AGTPBP1: variants seen among roughly 807,000 people sequenced by gnomAD.
AGTPBP1 encodes ATP/GTP binding carboxypeptidase 1, also known as cytosolic carboxypeptidase 1.
AGTPBP1 carries 70 observed loss-of-function variants against 143.9 expected under a neutral mutation model. The ratio of observed to expected loss-of-function variants is 0.49; its 90% CI spans 0.40 to 0.59. The LOEUF (loss-of-function observed/expected upper bound fraction) is 0.59. AGTPBP1 is among the 20% of genes least tolerant of loss of function. AGTPBP1 has a pLI of 0.00. For synonymous variants in AGTPBP1, 463 were observed against 500.2 expected, an observed-to-expected ratio of 0.93 and a Z score of 0.99; for missense variants, 1,229 against 1,464.5, an observed-to-expected ratio of 0.84 and a Z score of 2.62.
At chr9:85,749,814 T>A in the AGTPBP1 span, among the ~76,000 whole-genome samples, 2 of 151,772 alleles carry the variant, frequency 1.3e-5, no homozygotes, top group Non-Finnish European at 2.9e-5. Flanking sequence ...ATAACAAAAA[T>A]TACAATGTAA....
At chr9:85,792,257 G>T in the AGTPBP1 span, 1 of 152,126 alleles carries the variant, frequency 6.6e-6, no homozygotes, top group Non-Finnish European at 1.5e-5. Flanking sequence ...TATCCTCTAG[G>T]AATGAAAAGG....
chr9:85,586,673 A>C (rs1828631643), intron 22 of AGTPBP1, among the ~76,000 whole-genome samples, 158 bp downstream of exon 22: 1 of 152,274 alleles, frequency 6.6e-6, no homozygotes, highest in Admixed American at 6.5e-5. Context: ...AGGAAAAAAT[A>C]GAAGGCTTAT....
chr9:85,587,635 C>T (rs1177477204), intron 21 of AGTPBP1, among the ~76,000 whole-genome samples: 3 of 152,004 alleles, frequency 2.0e-5, no homozygotes, highest in Admixed American at 1.3e-4. Flanking sequence ...TCCTAAAATA[C>T]GAGAAATATT....
intron 12 of AGTPBP1, among the ~76,000 whole-genome samples, chr9:85,645,750 G>C (rs1832772796): frequency 6.6e-6 from 1 of 152,016 alleles, no homozygotes; most frequent in South Asian, 2.1e-4. Context: ...TATAAATAAA[G>C]CAAAATACAG....
intron 1 of AGTPBP1, among the ~76,000 whole-genome samples, chr9:85,726,357 A>G (rs998777468): frequency 1.3e-5 from 2 of 152,238 alleles, no homozygotes; most frequent in Admixed American, 6.5e-5. Context: ...GAGTTATATC[A>G]TGAAAATTTA....
chr9:85,632,895 G>A lies in AGTPBP1; in HGVS notation c.1782C>T (p.Cys594=), dbSNP rs1171560256. The A allele has an allele frequency of 1.2e-6, 2 of 1,614,018 alleles. No homozygotes were observed. Among genetic ancestry groups the A allele is most frequent in the Admixed American group, 3.3e-5 (2 of 59,996 alleles). Residue 594 remains cysteine (C), a synonymous_variant, in exon 14 of 26, where the codon TGC becomes TGT. Transcript: ENST00000357081. ...GRTVQLGKLC[C]TGVETEDDED... ...CATCATCTTCAGTTTCAACTCCAGT[G>A]CAGCAAAGCTTCCCTAGCTGAACTG...
At chr9:85,677,361 G>A in intron 6 of AGTPBP1, 75 bp downstream of exon 6, 2 of 1,323,546 alleles carry the variant, frequency 1.5e-6, no homozygotes, top group East Asian at 2.5e-5. Context: ...TAAAAACTGA[G>A]TAGTTACAAG....
rs193059276 is a variant in AGTPBP1 at position 85,686,933 on chromosome 9, A to T, written c.158-5598T>A. Among the ~76,000 whole-genome samples, 293 of 152,316 alleles carry T rather than the reference A, an allele frequency of 1.9e-3. 1 individual carries two copies. The highest frequency in any genetic ancestry group is 2.9e-3 in the Non-Finnish European group (198 of 68,000). ...TTAATAAATGCATTAAATTGGAAGCACTAAAACACTCAGACTAGTTAAGAA... is the reference window on the plus strand; with the variant it reads ...TTAATAAATGCATTAAATTGGAAGCTCTAAAACACTCAGACTAGTTAAGAA... On this transcript the variant is annotated intron_variant, in intron 3 of 25. Transcript: ENST00000357081.
chr9:85,552,991 T>C (rs538132050), intron 25 of AGTPBP1, among the ~76,000 whole-genome samples: 1 of 152,234 alleles, frequency 6.6e-6, no homozygotes, highest in Non-Finnish European at 1.5e-5. Flanking sequence ...AAAGAAAATC[T>C]TTCTATTTGT....
At chr9:85,596,214 A>G (rs547929697) in intron 18 of AGTPBP1, 148 bp downstream of exon 18, 124 of 572,212 alleles carry the variant, frequency 2.2e-4, no homozygotes, top group African/African-American at 2.0e-3. Flanking sequence ...TCTCAAGTTC[A>G]AAAGGACTCT....
the AGTPBP1 span, among the ~76,000 whole-genome samples, chr9:85,785,333 C>CA: frequency 0.011 from 1,562 of 135,898 alleles, 19 homozygotes; most frequent in African/African-American, 0.039. Flanking sequence ...GACTCCGTCT[C>CA]AAAAAAAAAC....
intron 3 of AGTPBP1, among the ~76,000 whole-genome samples, chr9:85,692,252 A>C (rs1835924147): frequency 6.6e-6 from 1 of 151,336 alleles, no homozygotes; most frequent in Non-Finnish European, 1.5e-5. Context: ...TTTCCACTCG[A>C]GTCAATTTGA....
the AGTPBP1 span, among the ~76,000 whole-genome samples, chr9:85,759,897 G>C: frequency 6.6e-6 from 1 of 152,036 alleles, no homozygotes; most frequent in Non-Finnish European, 1.5e-5. Flanking sequence ...AGAAAAGAGA[G>C]AAGAATCAAA....
At chr9:85,624,915 T>C (rs954845564) in intron 14 of AGTPBP1, among the ~76,000 whole-genome samples, 1 of 152,220 alleles carries the variant, frequency 6.6e-6, no homozygotes, top group Non-Finnish European at 1.5e-5. Flanking sequence ...AAGCACCTTG[T>C]TTATTTCATT....
At chr9:85,600,638 ATCC>A (rs1829604521) in intron 17 of AGTPBP1, among the ~76,000 whole-genome samples, 1 of 152,098 alleles carries the variant, frequency 6.6e-6, no homozygotes, top group Non-Finnish European at 1.5e-5. Context: ...GACTCCTCCA[ATCC>A]TAGCCAGGGG....
At chr9:85,602,490 C>T (rs904663181) in intron 17 of AGTPBP1, among the ~76,000 whole-genome samples, 4 of 152,132 alleles carry the variant, frequency 2.6e-5, no homozygotes, top group African/African-American at 9.7e-5. Context: ...ACAAAGCCTA[C>T]ATGACATATG....
chr9:85,637,074 T>A (rs938803592), intron 13 of AGTPBP1, among the ~76,000 whole-genome samples: 5 of 145,472 alleles, frequency 3.4e-5, no homozygotes, highest in African/African-American at 7.7e-5. Context: ...AGAGTTTCGC[T>A]CTTGTTGCCC....
In AGTPBP1 at chr9:85,633,277, C is replaced by T. The variant is rs766864328; in HGVS notation, c.1400G>A (p.Gly467Glu). The T allele has an allele frequency of 1.2e-6, 2 of 1,614,040 alleles. No homozygotes were observed. Among genetic ancestry groups the T allele is most frequent in the South Asian group, 1.1e-5 (1 of 91,064 alleles). ...AACTTTTCTTAAATTGCCAGAATTC[C>T]CAGATGTTTCCTCGCCTGCCGTAGG... ...VVPTAGEETS[G>E]NSGNLRKVVM... Residue 467 changes from glycine (G) to glutamate (E), a missense_variant, in exon 14 of 26, where the codon GGG (glycine) becomes GAG (glutamate). Physicochemically the swap from Gly to Glu is moderately conservative, Grantham distance 98. This residue lies in a region of AGTPBP1 where 743 missense variants were observed against 812.2 expected (regional missense o/e 0.91). Transcript: ENST00000357081.
rs565453147 is a variant in AGTPBP1 at position 85,689,364 on chromosome 9, T to C, written c.157+3325A>G. ...ATCTGGAAAGCCTTAACAATTAAGA[T>C]TTAATTGGTTTGGGGTGAGCCTGGG... On this transcript the variant is annotated intron_variant, in intron 3 of 25. Coordinates refer to ENST00000357081, the MANE Select transcript of AGTPBP1 (RefSeq NM_001330701.2). Among the ~76,000 whole-genome samples, 7 of 152,244 alleles carry C rather than the reference T, an allele frequency of 4.6e-5. No homozygotes were observed. In the East Asian group the frequency reaches 1.2e-3, roughly 25 times the overall value.
Sources: gnomAD v4.1 joint callset for allele counts (sites outside exome capture counted in the v4.1 genomes callset) on GRCh38, gnomAD v4.1.1 for gene constraint, gnomAD v4.1.1 regional missense constraint, MANE v1.5 for transcripts, NCBI Gene and HGNC (gene_info 2026-07-23, HGNC 2026-07-21) for gene names.